Variants in NUP58 observed in about 807,000 individuals in gnomAD.
The protein encoded by NUP58 is nucleoporin p58/p45.
NUP58 carries 17 observed loss-of-function variants against 70.1 expected under a neutral mutation model. The observed-to-expected ratio is 0.24, with a 90% CI of 0.17 to 0.36. NUP58 has a LOEUF of 0.36. Ranked by LOEUF, NUP58 falls within the 10% of genes least tolerant of loss-of-function variation. The pLI is 1.00. For synonymous variants in NUP58, 275 were observed against 257.6 expected (o/e 1.07, Z -0.65); for missense variants, 644 against 701.5 (o/e 0.92, Z 0.93).
chr13:25,333,074 A>G (rs981317642), intron 13 of NUP58: 1 of 985,122 alleles, frequency 1.0e-6, no homozygotes, highest in Non-Finnish European at 1.2e-6. Context: ...GTAAGTGAAT[A>G]TATTCTATGA....
chr13:25,348,651 C>T (rs996702927), intron 3 of NUP58, among the ~76,000 whole-genome samples: 3 of 152,036 alleles, frequency 2.0e-5, no homozygotes, highest in African/African-American at 4.8e-5. Context: ...CGGTGCAGAC[C>T]GTGGTTCTGG....
At chr13:25,324,568 A>G (rs1006657942) in intron 9 of NUP58, among the ~76,000 whole-genome samples, 6 of 152,150 alleles carry the variant, frequency 3.9e-5, no homozygotes, top group East Asian at 1.9e-4. Flanking sequence ...AACTTTTAGC[A>G]TAGTGTTTGG....
At chr13:25,336,184 T>G (rs199796315) in intron 13 of NUP58, 103 of 1,365,342 alleles carry the variant, frequency 7.5e-5, no homozygotes, top group Non-Finnish European at 9.9e-5. Context: ...GCGGTGCCTT[T>G]GTAAATGTTC....
chr13:25,335,040 T>C, intron 13 of NUP58: 1 of 985,238 alleles, frequency 1.0e-6, no homozygotes. Flanking sequence ...GTGGCCAGAG[T>C]GTAATATATG....
chr13:25,301,629 T>G lies in NUP58; in HGVS notation c.-145T>G. On this transcript the variant is annotated 5_prime_UTR_variant, in exon 1 of 16. Transcript: ENST00000381736. The stretch of plus-strand genomic sequence containing the variant: ...GCGTGGTTGCTCCACCCCCTCAGCC[T>G]TGCCTTCGCCGCCGTTGGGGCTGGA... 1 of 451,322 alleles carries G rather than the reference T, an allele frequency of 2.2e-6. No individual in the cohort carries two copies. Among genetic ancestry groups the G allele is most frequent in the Non-Finnish European group, 3.9e-6 (1 of 255,674 alleles). 28.0% of individuals were successfully genotyped at this position (451,322 alleles called of 1,614,324 possible). A position where few individuals can be genotyped will look rare whatever the true frequency, so the allele number is the denominator to read the frequency against.
rs2030791887 is a variant in NUP58, at chr13:25,313,720, A to G, written c.543A>G (p.Ser181=). 2 of 1,532,468 alleles carry G rather than the reference A, an allele frequency of 1.3e-6. No individual in the cohort carries two copies. The highest frequency in any genetic ancestry group is 1.7e-4 in the Middle Eastern group (1 of 5,872). The allele number at this position is 1,532,468 out of a possible 1,614,324, so 94.9% of individuals were successfully genotyped here. A position where few individuals can be genotyped will look rare whatever the true frequency, so the allele number is the denominator to read the frequency against. Residue 181 remains serine, a synonymous_variant, in exon 5 of 16, where the codon TCA becomes TCG. Transcript: ENST00000381736. The part of the protein sequence containing the change: ...LGGALAGLGG[S]LFQSTNTGTS... ...GAGCCTTAGCTGGTTTGGGAGGTTC[A>G]CTTTTCCAGAGTACAAACACAGGAA...
chr13:25,314,461 C>T (rs1254656790), intron 5 of NUP58, among the ~76,000 whole-genome samples: 1 of 151,914 alleles, frequency 6.6e-6, no homozygotes, highest in African/African-American at 2.4e-5. Context: ...TTTGGGAGGC[C>T]AAGGCAGGTG....
chr13:25,333,595 C>G, intron 13 of NUP58: 1 of 985,350 alleles, frequency 1.0e-6, no homozygotes, highest in Admixed American at 6.1e-5. Context: ...TTTTCTTTCT[C>G]CTTTTGTTTC....
chr13:25,329,969 C>T (rs1208695483), intron 12 of NUP58, among the ~76,000 whole-genome samples: 1 of 152,120 alleles, frequency 6.6e-6, no homozygotes, highest in East Asian at 1.9e-4. Flanking sequence ...GCTAGGACTA[C>T]AGGCATGCAC....
intron 13 of NUP58, chr13:25,336,318 A>G (rs1260376474): frequency 5.2e-6 from 6 of 1,160,426 alleles, no homozygotes; most frequent in Non-Finnish European, 7.2e-6. Flanking sequence ...TTGCTTTACA[A>G]TGAACAATAA....
chr13:25,312,668 A>G (rs1367472736), intron 3 of NUP58, among the ~76,000 whole-genome samples: 1 of 152,134 alleles, frequency 6.6e-6, no homozygotes, highest in Non-Finnish European at 1.5e-5. Flanking sequence ...GTACCTGGCC[A>G]TTCTTTTGTT....
At chr13:25,338,496 G>A (rs2031858628) in intron 14 of NUP58, 140 bp from the exon 15 acceptor site, 1 of 568,194 alleles carries the variant, frequency 1.8e-6, no homozygotes, top group East Asian at 2.8e-5. Flanking sequence ...ATGCAAAGGA[G>A]TAAGCAGATT....
intron 13 of NUP58, chr13:25,334,896 T>C: frequency 1.0e-6 from 1 of 984,832 alleles, no homozygotes; most frequent in South Asian, 4.7e-5. Flanking sequence ...CACTACAAAC[T>C]TAATTTTATT....
At chr13:25,304,708 T>G (rs1219561140) in intron 1 of NUP58, among the ~76,000 whole-genome samples, 2 of 151,400 alleles carry the variant, frequency 1.3e-5, no homozygotes, top group Non-Finnish European at 2.9e-5. Flanking sequence ...TTTGGTATTT[T>G]TAGTAGAGAT....
intron 3 of NUP58, among the ~76,000 whole-genome samples, chr13:25,311,673 CT>C (rs149489423): frequency 0.42 from 51,673 of 121,904 alleles, 9,819 homozygotes; most frequent in South Asian, 0.52. Flanking sequence ...CGGCACCTGT[CT>C]TTTTTTTTTT....
chr13:25,319,341 C>A lies in NUP58; in HGVS notation c.701C>A (p.Thr234Lys). 6.2e-7 allele frequency: 1 copy of A among 1,612,638 alleles called. No individual in the cohort carries two copies. The highest frequency in any genetic ancestry group is 8.5e-7 in the Non-Finnish European group (1 of 1,179,116). Residue 234 changes from threonine to lysine, a missense_variant, in exon 7 of 16, where the codon ACA becomes AAA. Physicochemically the swap from Thr to Lys is moderately conservative, Grantham distance 78. Coordinates refer to ENST00000381736, the MANE Select transcript of NUP58 (RefSeq NM_014089.4). ...AATTTTCTAGGTGATAAAACGGGAA[C>A]AAGACCAGAGTAAGTTTACAAATTT... is the stretch of plus-strand genomic sequence containing the variant. ...SSDKKSDKTG[T>K]RPEDSKALKD...
At chr13:25,313,546 ATTTGTATTT>A in intron 4 of NUP58, 59 bp from the exon 5 acceptor site, 1 of 1,331,712 alleles carries the variant, frequency 7.5e-7, no homozygotes, top group Non-Finnish European at 9.9e-7. Context: ...AAAACATCGT[ATTTGTATTT>A]TTCTATGGTG....
intron 14 of NUP58, among the ~76,000 whole-genome samples, chr13:25,338,218 G>A (rs2031850887): frequency 6.6e-6 from 1 of 152,038 alleles, no homozygotes; most frequent in African/African-American, 2.4e-5. Flanking sequence ...TAACCTTGTA[G>A]TATTTAGTGT....
At position 25,341,747 on chromosome 13, in the gene NUP58, C is replaced by T. The variant is rs2031962835; in HGVS notation, c.*1613C>T. ...TTCGTTAGTAGACCTATTTATGATTCAATTGCAATTTTCAGATAGGATGTG... is the reference window on the plus strand; with the variant it reads ...TTCGTTAGTAGACCTATTTATGATTTAATTGCAATTTTCAGATAGGATGTG... On this transcript the variant is annotated 3_prime_UTR_variant, in exon 16 of 16. Coordinates refer to ENST00000381736, the MANE Select transcript of NUP58 (RefSeq NM_014089.4). 1 of 152,528 alleles carries T rather than the reference C, an allele frequency of 6.6e-6. No homozygotes were observed. The highest frequency in any genetic ancestry group is 2.1e-4 in the South Asian group (1 of 4,818). The allele number at this position is 152,528 out of a possible 1,614,324, so 9.4% of individuals were successfully genotyped here.
Sources: allele counts gnomAD v4.1 joint callset (sites outside exome capture counted in the v4.1 genomes callset), GRCh38; gene constraint gnomAD v4.1.1; transcripts MANE v1.5; gene names NCBI Gene and HGNC (gene_info 2026-07-23, HGNC 2026-07-21).